HS3ST4: variants seen among roughly 807,000 people sequenced by gnomAD.
HS3ST4 encodes the protein heparan sulfate-glucosamine 3-sulfotransferase 4.
HS3ST4 carries 17 observed loss-of-function variants against 29.2 expected under a neutral mutation model. The ratio of observed to expected loss-of-function variants is 0.58; its 90% CI spans 0.40 to 0.87. The LOEUF is 0.87. HS3ST4 is among the 40% of genes least tolerant of loss of function. The probability of loss-of-function intolerance (pLI) is 0.00; values close to 1 mark genes in which losing one functional copy is unlikely to be tolerated. For missense variants in HS3ST4, 627 were observed against 634.5 expected (o/e 0.99, Z 0.13); for synonymous variants, 314 against 285.7 (o/e 1.10, Z -1.00).
rs1898299016 is a variant in HS3ST4, at chr16:26,137,434, TGAGCAAG to T, written c.*1188_*1194del. 1 of 151,966 alleles carries T rather than the reference TGAGCAAG, an allele frequency of 6.6e-6. No individual in the cohort carries two copies. 9.4% of individuals were successfully genotyped at this position (151,966 alleles called of 1,614,324 possible). A position where few individuals can be genotyped will look rare whatever the true frequency, so the allele number is the denominator to read the frequency against. On this transcript the variant is annotated 3_prime_UTR_variant, in exon 2 of 2. Coordinates refer to ENST00000331351, the MANE Select transcript of HS3ST4 (RefSeq NM_006040.3). The stretch of plus-strand genomic sequence containing the variant: ...AGATCCAGTTTATGAGGGTTGGGGG[TGAGCAAG>T]GGCTGTCTGCAGAAACCCCCATCAA...
At chr16:26,082,458 C>G (rs1489424086) in intron 1 of HS3ST4, among the ~76,000 whole-genome samples, 1 of 152,146 alleles carries the variant, frequency 6.6e-6, no homozygotes, top group African/African-American at 2.4e-5. Flanking sequence ...ATCAGAGAGA[C>G]TGGGTTTTGA....
At chr16:25,978,946 T>TTTG (rs1331707352) in intron 1 of HS3ST4, among the ~76,000 whole-genome samples, 43 of 149,162 alleles carry the variant, frequency 2.9e-4, no homozygotes, top group African/African-American at 8.9e-4. Flanking sequence ...CTTTTTGTTT[T>TTTG]TTTTTTTTTT....
intron 1 of HS3ST4, among the ~76,000 whole-genome samples, chr16:25,772,262 T>G (rs1311025254): frequency 6.6e-6 from 1 of 152,242 alleles, no homozygotes; most frequent in African/African-American, 2.4e-5. Flanking sequence ...AACTGAGCCT[T>G]GAAGAAAGTC....
At chr16:25,957,542 C>T (rs1470977508) in intron 1 of HS3ST4, among the ~76,000 whole-genome samples, 3 of 152,216 alleles carry the variant, frequency 2.0e-5, no homozygotes, top group East Asian at 3.9e-4. Flanking sequence ...GTCAGCCTCC[C>T]GAGTAGCTGG....
intron 1 of HS3ST4, among the ~76,000 whole-genome samples, chr16:26,070,742 T>A (rs4787344): frequency 1.2e-4 from 18 of 152,354 alleles, no homozygotes; most frequent in Admixed American, 3.3e-4. Context: ...AGCAACCTGA[T>A]ACTTTTGTTC....
chr16:26,049,405 A>ACATCCGGAGGTC (rs1293017873), intron 1 of HS3ST4, among the ~76,000 whole-genome samples: 1 of 125,978 alleles, frequency 7.9e-6, no homozygotes, highest in African/African-American at 3.6e-5. Context: ...ACATCCGGAG[A>ACATCCGGAGGTC]ATGATGTGGC....
At chr16:25,979,802 A>T (rs1390499161) in intron 1 of HS3ST4, among the ~76,000 whole-genome samples, 4 of 151,992 alleles carry the variant, frequency 2.6e-5, no homozygotes, top group Non-Finnish European at 5.9e-5. Context: ...GTCCTGTTAG[A>T]CTCTTAAACT....
chr16:25,944,720 C>T (rs902968204), intron 1 of HS3ST4, among the ~76,000 whole-genome samples: 1 of 152,158 alleles, frequency 6.6e-6, no homozygotes, highest in Non-Finnish European at 1.5e-5. Flanking sequence ...CTCTATCTTC[C>T]TACCCGTCCT....
intron 1 of HS3ST4, among the ~76,000 whole-genome samples, chr16:25,779,294 G>C (rs1966850574): frequency 6.6e-6 from 1 of 152,192 alleles, no homozygotes; most frequent in African/African-American, 2.4e-5. Context: ...AACAGCGAAT[G>C]GAAGTCCATC....
chr16:25,862,485 AC>A (rs1329117432), intron 1 of HS3ST4, among the ~76,000 whole-genome samples: 1 of 152,028 alleles, frequency 6.6e-6, no homozygotes, highest in Non-Finnish European at 1.5e-5. Flanking sequence ...GAGCCACCTC[AC>A]CCAGCCTTCC....
intron 1 of HS3ST4, among the ~76,000 whole-genome samples, chr16:25,750,345 T>C (rs1051868333): frequency 3.3e-5 from 5 of 152,162 alleles, no homozygotes; most frequent in African/African-American, 1.2e-4. Flanking sequence ...ACCTTGGACA[T>C]CACGTACCAT....
At chr16:25,815,519 T>C (rs1195112127) in intron 1 of HS3ST4, among the ~76,000 whole-genome samples, 15 of 152,276 alleles carry the variant, frequency 9.9e-5, no homozygotes, top group Non-Finnish European at 1.5e-5. Context: ...AGACGGGATT[T>C]CACCTTGTTG....
chr16:26,081,089 C>A (rs1350254610), intron 1 of HS3ST4, among the ~76,000 whole-genome samples: 5 of 152,076 alleles, frequency 3.3e-5, no homozygotes, highest in Non-Finnish European at 4.4e-5. Flanking sequence ...GAGTTTGAGA[C>A]CAGCCTGGAC....
chr16:25,816,940 T>C (rs909238473), intron 1 of HS3ST4, among the ~76,000 whole-genome samples: 1 of 151,482 alleles, frequency 6.6e-6, no homozygotes, highest in Non-Finnish European at 1.5e-5. Context: ...AACCCATGAA[T>C]GGATTGTCCA....
At chr16:25,740,727 C>G (rs1966646114) in intron 1 of HS3ST4, among the ~76,000 whole-genome samples, 1 of 152,098 alleles carries the variant, frequency 6.6e-6, no homozygotes, top group Non-Finnish European at 1.5e-5. Context: ...TATCACAATC[C>G]CTGATACTCA....
intron 1 of HS3ST4, among the ~76,000 whole-genome samples, chr16:25,698,767 A>G (rs989558404): frequency 6.6e-6 from 1 of 152,126 alleles, no homozygotes; most frequent in Non-Finnish European, 1.5e-5. Flanking sequence ...GGTTTGGGAA[A>G]ACCCCAGTAA....
At chr16:25,895,199 A>T (rs1298364001) in intron 1 of HS3ST4, among the ~76,000 whole-genome samples, 4 of 152,018 alleles carry the variant, frequency 2.6e-5, no homozygotes, top group Admixed American at 2.6e-4. Context: ...GTTCTGGACC[A>T]TGGTAACCAT....
At chr16:25,782,238 G>T (rs989835584) in intron 1 of HS3ST4, among the ~76,000 whole-genome samples, 5 of 152,230 alleles carry the variant, frequency 3.3e-5, no homozygotes, top group South Asian at 2.1e-4. Context: ...TTCCCACCAG[G>T]TTCCTCCCTT....
At chr16:25,718,715 T>C (rs1966474236) in intron 1 of HS3ST4, among the ~76,000 whole-genome samples, 1 of 152,164 alleles carries the variant, frequency 6.6e-6, no homozygotes, top group Non-Finnish European at 1.5e-5. Flanking sequence ...TTTTGAGACA[T>C]CTATGTATAG....
Sources: gnomAD v4.1 joint callset for allele counts (sites outside exome capture counted in the v4.1 genomes callset) on GRCh38, gnomAD v4.1.1 for gene constraint, MANE v1.5 for transcripts, NCBI Gene and HGNC (gene_info 2026-07-23, HGNC 2026-07-21) for gene names.